Variants in ITGA11 observed in about 807,000 individuals in gnomAD.
The protein encoded by ITGA11 is integrin alpha-11.
A neutral mutation model predicts 141.9 loss-of-function variants in ITGA11; 97 were observed. The ratio of observed to expected loss-of-function variants is 0.68; its 90% CI spans 0.58 to 0.81. The LOEUF (loss-of-function observed/expected upper bound fraction) is 0.81, where lower values mean the gene tolerates loss of function less well. Ranked by LOEUF, ITGA11 falls within the 30% of genes least tolerant of loss-of-function variation. The probability of loss-of-function intolerance (pLI) is 0.00; values close to 1 mark genes in which losing one functional copy is unlikely to be tolerated. For missense variants in ITGA11, 1,387 were observed against 1,559.2 expected (o/e 0.89, Z 1.86); for synonymous variants, 658 against 624.6 (o/e 1.05, Z -0.80).
chr15:68,342,997 T>TTCTCTCTCTCTCTCTCTC (rs6145615), intron 10 of ITGA11, among the ~76,000 whole-genome samples: 24 of 144,036 alleles, frequency 1.7e-4, no homozygotes, highest in Non-Finnish European at 2.1e-4. Context: ...GGGCAAGTTC[T>TTCTCTCTCTCTCTCTCTC]TCTCTCTCTC....
chr15:68,409,682 A>G (rs910831651), intron 1 of ITGA11, among the ~76,000 whole-genome samples: 2 of 152,098 alleles, frequency 1.3e-5, no homozygotes, highest in Admixed American at 6.5e-5. Context: ...TAATAAAAAT[A>G]ATTGTGTACA....
chr15:68,358,354 C>G (rs993605758), intron 6 of ITGA11, 104 bp downstream of exon 6: 2 of 1,317,732 alleles, frequency 1.5e-6, no homozygotes, highest in African/African-American at 3.0e-5. Context: ...CTCTTACCTA[C>G]ACCTCCTTCG....
intron 11 of ITGA11, among the ~76,000 whole-genome samples, chr15:68,338,814 T>A (rs1318391170): frequency 6.6e-6 from 1 of 152,170 alleles, no homozygotes; most frequent in Non-Finnish European, 1.5e-5. Flanking sequence ...TGGATTTGGT[T>A]CAGAAATTCT....
intron 1 of ITGA11, among the ~76,000 whole-genome samples, chr15:68,415,677 G>A (rs1244041775): frequency 1.3e-5 from 2 of 152,196 alleles, no homozygotes; most frequent in Non-Finnish European, 2.9e-5. Flanking sequence ...AGGAGCCCTA[G>A]ATAGGGATGT....
At position 68,432,032 on chromosome 15, in the gene ITGA11, G is replaced by T; in HGVS notation, c.35C>A (p.Ala12Glu). Residue 12 changes from alanine (A) to glutamate (E), a missense_variant, in exon 1 of 30, where the codon GCG becomes GAG. Physicochemically the swap from Ala to Glu is moderately radical, Grantham distance 107 (BLOSUM62 -1). Coordinates refer to ENST00000315757, the MANE Select transcript of ITGA11 (RefSeq NM_001004439.2). ...GCACCTACCTGGCCACAGGCTGAGC[G>T]CCCAGGCCACCACCAGGCCCCTGGG... ...DLPRGLVVAW[A>E]LSLWPGFTDT... 1.5e-6 allele frequency: 2 copies of T among 1,340,702 alleles called. No individual in the cohort carries two copies. Among genetic ancestry groups the T allele is most frequent in the Non-Finnish European group, 1.9e-6 (2 of 1,043,730 alleles). The allele number at this position is 1,340,702 out of a possible 1,614,324, so 83.1% of individuals were successfully genotyped here. A position where few individuals can be genotyped will look rare whatever the true frequency, so the allele number is the denominator to read the frequency against.
intron 7 of ITGA11, among the ~76,000 whole-genome samples, chr15:68,354,144 T>C (rs1894997940): frequency 6.6e-6 from 1 of 152,056 alleles, no homozygotes; most frequent in Non-Finnish European, 1.5e-5. Flanking sequence ...TCCCCATAGC[T>C]TTCATCTCTT....
Position 68,331,941 on chromosome 15 carries a change from CCCA to C in ITGA11, c.1685_1687del (p.Val562del). The C allele has an allele frequency of 6.2e-7, 1 of 1,613,326 alleles. No homozygotes were observed. Among genetic ancestry groups the C allele is most frequent in the Non-Finnish European group, 8.5e-7 (1 of 1,179,694 alleles). On this transcript the variant is annotated inframe_deletion, in exon 14 of 30. Coordinates refer to ENST00000315757, the MANE Select transcript of ITGA11 (RefSeq NM_001004439.2). ...TGCGTGGTTGTCCTCCAGGGGGGCT[CCCA>C]CCACCACGTCATTGTAGGAATCCTG...
chr15:68,331,018 G>T lies in ITGA11; in HGVS notation c.1864C>A (p.Leu622Met), dbSNP rs377376414. Residue 622 changes from leucine (L) to methionine (M), a missense_variant, in exon 15 of 30, where the codon CTG (leucine) becomes ATG (methionine). Coordinates refer to ENST00000315757, the MANE Select transcript of ITGA11 (RefSeq NM_001004439.2). The stretch of plus-strand genomic sequence containing the variant: ...GCGTTGCCAAGGGCTCCCACTGCCA[G>T]GTCGATGAGCCCATCCTCATTGAGG... Reference protein sequence around the residue: ...LDLNEDGLIDLAVGALGNAVI... With the variant: ...LDLNEDGLIDMAVGALGNAVI... The T allele has an allele frequency of 6.2e-7, 1 of 1,613,646 alleles. No individual in the cohort carries two copies. The highest frequency in any genetic ancestry group is 1.3e-5 in the African/African-American group (1 of 74,910).
intron 2 of ITGA11, among the ~76,000 whole-genome samples, chr15:68,387,512 G>A (rs1204964607): frequency 6.6e-6 from 1 of 152,156 alleles, no homozygotes; most frequent in African/African-American, 2.4e-5. Flanking sequence ...TTTAGCAAGC[G>A]TTCCAGGGAT....
At chr15:68,331,172 C>G in intron 14 of ITGA11, 61 bp from the exon 15 acceptor site, 1 of 1,475,976 alleles carries the variant, frequency 6.8e-7, no homozygotes. Flanking sequence ...GGCGGGCGTC[C>G]CCGAGCAGCA....
At chr15:68,340,288 G>A (rs957941040) in intron 10 of ITGA11, among the ~76,000 whole-genome samples, 4 of 151,712 alleles carry the variant, frequency 2.6e-5, no homozygotes, top group South Asian at 4.2e-4. Flanking sequence ...CCACAGTGAG[G>A]CTGAATCTAG....
At chr15:68,369,694 A>G (rs1380563147) in intron 2 of ITGA11, among the ~76,000 whole-genome samples, 1 of 152,240 alleles carries the variant, frequency 6.6e-6, no homozygotes, top group South Asian at 2.1e-4. Context: ...GGAGCCACAG[A>G]GTCTTGACCA....
intron 2 of ITGA11, among the ~76,000 whole-genome samples, chr15:68,371,737 A>T (rs182238316): frequency 6.6e-6 from 1 of 152,058 alleles, no homozygotes; most frequent in Non-Finnish European, 1.5e-5. Context: ...AAAAAGAAAG[A>T]AAGGCACCGA....
chr15:68,409,570 A>AC (rs1171981117), intron 1 of ITGA11, among the ~76,000 whole-genome samples: 6 of 151,736 alleles, frequency 4.0e-5, no homozygotes, highest in South Asian at 2.1e-4. Context: ...ACCTATCAGT[A>AC]CTACCTGATT....
chr15:68,427,969 T>C (rs572768747), intron 1 of ITGA11, among the ~76,000 whole-genome samples: 67 of 152,254 alleles, frequency 4.4e-4, no homozygotes, highest in African/African-American at 1.6e-3. Context: ...GATACCATTT[T>C]TGAACCATAT....
intron 26 of ITGA11, 24 bp downstream of exon 26, chr15:68,310,970 G>C: frequency 1.3e-6 from 2 of 1,565,830 alleles, no homozygotes; most frequent in Non-Finnish European, 1.7e-6. Flanking sequence ...AACCACTGTG[G>C]CTCTCGGTCT....
chr15:68,316,229 A>T lies in ITGA11; in HGVS notation c.2716-502T>A, dbSNP rs138856455. Reference sequence around the variant, plus strand: ...GGATGAGGGCCAGTGGCCACCCAGCAGGCCAACAAGGCATCCGCCCCTTGT... The same window carrying T: ...GGATGAGGGCCAGTGGCCACCCAGCTGGCCAACAAGGCATCCGCCCCTTGT... On this transcript the variant is annotated intron_variant, in intron 21 of 29. Transcript: ENST00000315757. Among the ~76,000 whole-genome samples, 53 of 152,340 alleles carry T rather than the reference A, an allele frequency of 3.5e-4. 2 individuals carry two copies. The East Asian group carries it at 0.01, about 29-fold the overall frequency.
intron 10 of ITGA11, among the ~76,000 whole-genome samples, chr15:68,342,677 G>A (rs1894607256): frequency 6.6e-6 from 1 of 152,248 alleles, no homozygotes; most frequent in Non-Finnish European, 1.5e-5. Flanking sequence ...CACAGCCCCG[G>A]CAGTGAAGGC....
intron 2 of ITGA11, among the ~76,000 whole-genome samples, chr15:68,372,176 T>C (rs7497049): frequency 0.2 from 31,115 of 152,144 alleles, 3,580 homozygotes; most frequent in African/African-American, 0.29. Flanking sequence ...CTTCTCTCCA[T>C]TCTTGAGTCT....
Sources: allele counts gnomAD v4.1 joint callset (sites outside exome capture counted in the v4.1 genomes callset), GRCh38; gene constraint gnomAD v4.1.1; transcripts MANE v1.5; gene names NCBI Gene and HGNC (gene_info 2026-07-23, HGNC 2026-07-21).